The following HIP1 variants were observed in gnomAD, a reference collection of about 807,000 sequenced individuals.
The protein encoded by HIP1 is huntingtin interacting protein 1.
Under a neutral mutation model 147.6 loss-of-function variants are expected in HIP1, and 65 were observed. The observed-to-expected ratio is 0.44, with a 90% CI of 0.36 to 0.54. HIP1 has a LOEUF of 0.54. Among genes scored for constraint, HIP1 ranks in the 20% least tolerant of loss-of-function variants. The pLI is 0.00. For synonymous variants in HIP1, 479 were observed against 504.0 expected (o/e 0.95, Z 0.67); for missense variants, 1,061 against 1,299.6 (o/e 0.82, Z 2.82).
chr7:75,639,592 T>TGC (rs1490161786), intron 1 of HIP1, among the ~76,000 whole-genome samples: 140 of 148,720 alleles, frequency 9.4e-4, no homozygotes, highest in Middle Eastern at 3.4e-3. Flanking sequence ...TGTGTGTGTG[T>TGC]GCGCCCGCGT....
At chr7:75,638,967 G>C (rs1798541372) in intron 1 of HIP1, 1 of 486,726 alleles carries the variant, frequency 2.1e-6, no homozygotes. Flanking sequence ...AATGGATCGC[G>C]CCGGCTAGGA....
At chr7:75,679,139 A>C (rs1446523770) in intron 1 of HIP1, among the ~76,000 whole-genome samples, 1 of 152,100 alleles carries the variant, frequency 6.6e-6, no homozygotes, top group East Asian at 1.9e-4. Flanking sequence ...TTCTTGAAAC[A>C]CTTGTCTTCA....
chr7:75,722,592 G>A (rs550435419), intron 1 of HIP1, among the ~76,000 whole-genome samples: 11 of 152,216 alleles, frequency 7.2e-5, no homozygotes, highest in South Asian at 2.1e-4. Context: ...GTAAGTATCC[G>A]GATGCGGCAG....
Position 75,589,063 on chromosome 7 carries a change from T to C in HIP1, c.385-2230A>G, listed in dbSNP as rs1796384594. ...TACTTGGGAGGCTGAGACAGGAGAATCACTTGAACCTGGGAGGTGGAGGTT... is the reference window on the plus strand; with the variant it reads ...TACTTGGGAGGCTGAGACAGGAGAACCACTTGAACCTGGGAGGTGGAGGTT... On this transcript the variant is annotated intron_variant, in intron 4 of 30. Transcript: ENST00000336926. Among the ~76,000 whole-genome samples the C allele has an allele frequency of 2.7e-5, 4 of 150,434 alleles. No homozygotes were observed. In the Admixed American group the frequency reaches 2.7e-4, roughly 10 times the overall value.
chr7:75,534,906 T>G lies in HIP1; in HGVS notation c.*3266A>C, dbSNP rs1157840539. On this transcript the variant is annotated 3_prime_UTR_variant, in exon 31 of 31. Transcript: ENST00000336926. Reference sequence around the variant, plus strand: ...ACGCTCACCCGAGACTTGTCACTAGTGATGCTCAGTGACTCATTTAGAAGG... The same window carrying G: ...ACGCTCACCCGAGACTTGTCACTAGGGATGCTCAGTGACTCATTTAGAAGG... 9.7e-6 allele frequency: 2 copies of G among 206,274 alleles called. No individual in the cohort carries two copies. Among genetic ancestry groups the G allele is most frequent in the African/African-American group, 4.6e-5 (2 of 43,866 alleles). 12.8% of individuals were successfully genotyped at this position (206,274 alleles called of 1,614,324 possible).
intron 1 of HIP1, among the ~76,000 whole-genome samples, chr7:75,690,358 G>A (rs57791588): frequency 0.016 from 2,471 of 152,096 alleles, 60 homozygotes; most frequent in African/African-American, 0.056. Context: ...ATAAGCACAC[G>A]AAAAGACGCT....
chr7:75,700,792 G>A (rs1362712290), intron 1 of HIP1, among the ~76,000 whole-genome samples: 1 of 151,282 alleles, frequency 6.6e-6, no homozygotes, highest in Non-Finnish European at 1.5e-5. Context: ...TGCAAACTCC[G>A]CCTCCCGGGT....
At position 75,683,203 on chromosome 7, in the gene HIP1, G is replaced by A. The variant is rs372622503; in HGVS notation, c.120+55598C>T. On this transcript the variant is annotated intron_variant, in intron 1 of 30. Coordinates refer to ENST00000336926, the MANE Select transcript of HIP1 (RefSeq NM_005338.7). ...TCACCATGTTAGTCAGGCTGGTCTC[G>A]AACTCCTGACCTCATGATCCACCTG... Among the ~76,000 whole-genome samples the A allele has an allele frequency of 2.1e-3, 319 of 151,954 alleles. 1 individual carries two copies. Among genetic ancestry groups the A allele is most frequent in the African/African-American group, 5.8e-3 (241 of 41,462 alleles).
intron 1 of HIP1, among the ~76,000 whole-genome samples, chr7:75,683,561 C>A (rs1800164209): frequency 6.6e-6 from 1 of 152,148 alleles, no homozygotes; most frequent in East Asian, 1.9e-4. Context: ...CAAAACAGAC[C>A]ACTCAGAGCT....
chr7:75,638,979 G>C (rs908712847), intron 1 of HIP1: 11 of 589,404 alleles, frequency 1.9e-5, no homozygotes, highest in Non-Finnish European at 2.1e-5. Flanking sequence ...CGGCTAGGAG[G>C]GGGAGAAGGG....
rs530943692 is a variant in HIP1, at chr7:75,668,539, G to T, written c.121-69292C>A. The stretch of plus-strand genomic sequence containing the variant: ...AGGGTTTCACCATGTTGGCCAGGCT[G>T]GTCTCGAACTCCTGATCTCAGGTGA... On this transcript the variant is annotated intron_variant, in intron 1 of 30. Transcript: ENST00000336926. 4.6e-5 allele frequency among the ~76,000 whole-genome samples: 7 copies of T among 152,156 alleles called. No individual in the cohort carries two copies. The East Asian group carries it at 1.4e-3, about 30-fold the overall frequency.
chr7:75,659,567 T>C (rs1799241927), intron 1 of HIP1, among the ~76,000 whole-genome samples: 1 of 151,840 alleles, frequency 6.6e-6, no homozygotes. Flanking sequence ...GAGAATCGCT[T>C]GAGCCTGGGA....
In HIP1 at chr7:75,538,049, C is replaced by T. The variant is rs1036047052; in HGVS notation, c.*123G>A. On this transcript the variant is annotated 3_prime_UTR_variant, in exon 31 of 31. Coordinates refer to ENST00000336926, the MANE Select transcript of HIP1 (RefSeq NM_005338.7). ...GGAAGTGTCATGCATGTCCTCGGCA[C>T]TGGGTAATGGCAGTGGTGTGGCTGC... 2 of 792,392 alleles carry T rather than the reference C, an allele frequency of 2.5e-6. No homozygotes were observed. The highest frequency in any genetic ancestry group is 4.6e-6 in the Non-Finnish European group (2 of 438,228). 49.1% of individuals were successfully genotyped at this position (792,392 alleles called of 1,614,324 possible).
chr7:75,574,116 G>C (rs988873341), intron 7 of HIP1, among the ~76,000 whole-genome samples: 1 of 152,130 alleles, frequency 6.6e-6, no homozygotes, highest in Non-Finnish European at 1.5e-5. Context: ...TAACTTGAAG[G>C]CTCTCACAAA....
chr7:75,709,642 C>T (rs1554519978), intron 1 of HIP1, among the ~76,000 whole-genome samples: 1 of 152,102 alleles, frequency 6.6e-6, no homozygotes, highest in East Asian at 1.9e-4. Context: ...ATAATTTTAC[C>T]TCTTCCTTTC....
At chr7:75,543,704 A>AT (rs1794423268) in intron 27 of HIP1, among the ~76,000 whole-genome samples, 1 of 152,198 alleles carries the variant, frequency 6.6e-6, no homozygotes, top group Non-Finnish European at 1.5e-5. Context: ...TAACCTGTTC[A>AT]TGATGCCAAC....
rs189678676 is a variant in HIP1, at chr7:75,657,199, C to T, written c.121-57952G>A. Among the ~76,000 whole-genome samples the T allele has an allele frequency of 2.0e-3, 311 of 152,258 alleles. 1 individual carries two copies. The highest frequency in any genetic ancestry group is 7.0e-3 in the African/African-American group (289 of 41,556). The stretch of plus-strand genomic sequence containing the variant: ...CATGGTAGACTGGAGAAAGAAAATG[C>T]AGTACATATACACCATAGAATACTA... On this transcript the variant is annotated intron_variant, in intron 1 of 30. Coordinates refer to ENST00000336926, the MANE Select transcript of HIP1 (RefSeq NM_005338.7).
intron 1 of HIP1, among the ~76,000 whole-genome samples, chr7:75,660,699 T>G (rs558839636): frequency 1.6e-4 from 25 of 152,250 alleles, no homozygotes; most frequent in South Asian, 4.1e-4. Context: ...TAAAGGCACG[T>G]GGTTTGTTGG....
chr7:75,702,280 T>C (rs1215187449), intron 1 of HIP1, among the ~76,000 whole-genome samples: 1 of 152,108 alleles, frequency 6.6e-6, no homozygotes, highest in Non-Finnish European at 1.5e-5. Flanking sequence ...CTGGCAAATT[T>C]TTGTATTTTT....
Sources: allele counts gnomAD v4.1 joint callset (sites outside exome capture counted in the v4.1 genomes callset), GRCh38; gene constraint gnomAD v4.1.1; transcripts MANE v1.5; gene names NCBI Gene and HGNC (gene_info 2026-07-23, HGNC 2026-07-21).